The following TRHDE variants were observed in gnomAD, a reference collection of about 807,000 sequenced individuals.
The protein encoded by TRHDE is thyrotropin releasing hormone degrading enzyme.
A neutral mutation model predicts 125.7 loss-of-function variants in TRHDE; 72 were observed. The observed-to-expected ratio is 0.57, with a 90% CI of 0.47 to 0.70. TRHDE has a LOEUF of 0.70. TRHDE is among the 30% of genes least tolerant of loss of function. TRHDE has a pLI of 0.00. For synonymous variants in TRHDE, 509 were observed against 509.1 expected, an observed-to-expected ratio of 1.00 and a Z score of 0.00; for missense variants, 1,110 against 1,327.1, an observed-to-expected ratio of 0.84 and a Z score of 2.54.
intron 12 of TRHDE, among the ~76,000 whole-genome samples, chr12:72,609,165 C>T (rs541065385): frequency 3.9e-5 from 6 of 152,178 alleles, no homozygotes; most frequent in African/African-American, 1.4e-4. Flanking sequence ...AAAACATGTA[C>T]TCAGAGATTT....
At chr12:72,530,724 C>G (rs1447509391) in intron 6 of TRHDE, among the ~76,000 whole-genome samples, 1 of 151,744 alleles carries the variant, frequency 6.6e-6, no homozygotes, top group Non-Finnish European at 1.5e-5. Flanking sequence ...ATTCCTTTCT[C>G]TGCTCCATGT....
At chr12:72,452,796 T>A (rs1242954811) in intron 3 of TRHDE, among the ~76,000 whole-genome samples, 5 of 151,916 alleles carry the variant, frequency 3.3e-5, no homozygotes, top group Non-Finnish European at 7.4e-5. Context: ...CCCCCTTCAC[T>A]CTCTTGCTCC....
chr12:72,355,603 A>G (rs942303733), intron 2 of TRHDE, among the ~76,000 whole-genome samples: 6 of 151,776 alleles, frequency 4.0e-5, no homozygotes, highest in African/African-American at 1.4e-4. Flanking sequence ...GAAACTATCA[A>G]CATAGTAAAC....
intron 3 of TRHDE, among the ~76,000 whole-genome samples, chr12:72,396,699 G>A (rs1164930661): frequency 6.6e-6 from 1 of 152,120 alleles, no homozygotes; most frequent in African/African-American, 2.4e-5. Flanking sequence ...AGCCGAGATT[G>A]CGCTGCTACA....
At chr12:72,119,286 C>T (rs1008827739) in intron 2 of TRHDE, among the ~76,000 whole-genome samples, 2 of 152,080 alleles carry the variant, frequency 1.3e-5, no homozygotes, top group African/African-American at 4.8e-5. Flanking sequence ...TTAATTTCTT[C>T]ATTTACTCAC....
chr12:72,412,243 T>C (rs1319129890), intron 3 of TRHDE, among the ~76,000 whole-genome samples: 2 of 151,770 alleles, frequency 1.3e-5, no homozygotes, highest in Non-Finnish European at 2.9e-5. Flanking sequence ...AAGACAAATA[T>C]CCAGGACTTA....
chr12:72,641,176 T>C (rs923341796), intron 15 of TRHDE, among the ~76,000 whole-genome samples: 2 of 152,206 alleles, frequency 1.3e-5, no homozygotes, highest in African/African-American at 4.8e-5. Flanking sequence ...ATGTCATAAG[T>C]ATCAAAATTT....
intron 2 of TRHDE, among the ~76,000 whole-genome samples, chr12:72,176,735 A>G (rs1876996833): frequency 6.6e-6 from 1 of 152,174 alleles, no homozygotes; most frequent in Non-Finnish European, 1.5e-5. Context: ...GTCACATTTC[A>G]TTTATTTCAG....
At chr12:72,600,269 GT>G (rs960054799) in intron 12 of TRHDE, among the ~76,000 whole-genome samples, 2 of 151,642 alleles carry the variant, frequency 1.3e-5, no homozygotes, top group South Asian at 2.1e-4. Context: ...TTTTAGAATA[GT>G]TTTTTTTCTA....
intron 15 of TRHDE, among the ~76,000 whole-genome samples, chr12:72,631,866 C>T (rs1476785284): frequency 6.6e-6 from 1 of 151,900 alleles, no homozygotes; most frequent in African/African-American, 2.4e-5. Context: ...ATCAATTCTT[C>T]CCAGTCTGAG....
chr12:72,205,649 A>G (rs998006196), intron 2 of TRHDE, among the ~76,000 whole-genome samples: 2 of 152,202 alleles, frequency 1.3e-5, no homozygotes, highest in African/African-American at 4.8e-5. Flanking sequence ...TTAACGTAAT[A>G]TCTTCAAGGT....
chr12:72,538,295 A>G (rs1163289791), intron 6 of TRHDE, among the ~76,000 whole-genome samples: 1 of 151,912 alleles, frequency 6.6e-6, no homozygotes, highest in Non-Finnish European at 1.5e-5. Context: ...ATTTTCCTTG[A>G]AATCTGAAGC....
intron 2 of TRHDE, among the ~76,000 whole-genome samples, chr12:72,117,885 A>G (rs12580489): frequency 0.039 from 5,939 of 151,524 alleles, 214 homozygotes; most frequent in South Asian, 0.11. Context: ...TCACTGCTGG[A>G]ATATAGAAAT....
At chr12:72,458,962 A>C (rs1460030125) in intron 3 of TRHDE, among the ~76,000 whole-genome samples, 1 of 152,194 alleles carries the variant, frequency 6.6e-6, no homozygotes, top group East Asian at 1.9e-4. Flanking sequence ...ATAAATTAGC[A>C]CTTAATTAGT....
intron 5 of TRHDE, among the ~76,000 whole-genome samples, chr12:72,492,875 A>G (rs1877745083): frequency 6.6e-6 from 1 of 151,902 alleles, no homozygotes; most frequent in Admixed American, 6.6e-5. Context: ...AGTCTTAGAC[A>G]CTGAAAGCAT....
chr12:72,440,414 A>G (rs1874948047), intron 3 of TRHDE, among the ~76,000 whole-genome samples: 1 of 151,958 alleles, frequency 6.6e-6, no homozygotes, highest in African/African-American at 2.4e-5. Context: ...CAATTTTATT[A>G]AATTTTCACA....
At chr12:72,509,776 C>T (rs1005107828) in intron 6 of TRHDE, among the ~76,000 whole-genome samples, 5 of 152,246 alleles carry the variant, frequency 3.3e-5, no homozygotes, top group East Asian at 1.9e-4. Flanking sequence ...AATGTATCTC[C>T]AATACCTATT....
chr12:72,293,332 C>G (rs1880161646), intron 2 of TRHDE, among the ~76,000 whole-genome samples: 1 of 151,916 alleles, frequency 6.6e-6, no homozygotes, highest in African/African-American at 2.4e-5. Flanking sequence ...TTTTGCTGTG[C>G]AGAAGTTTTT....
At chr12:72,661,224 G>A (rs191662857) in intron 18 of TRHDE, among the ~76,000 whole-genome samples, 8 of 152,030 alleles carry the variant, frequency 5.3e-5, no homozygotes, top group African/African-American at 9.7e-5. Flanking sequence ...GTCAATAAAC[G>A]TTCATATTCA....
Sources: gnomAD v4.1 joint callset for allele counts (sites outside exome capture counted in the v4.1 genomes callset) on GRCh38, gnomAD v4.1.1 for gene constraint, MANE v1.5 for transcripts, NCBI Gene and HGNC (gene_info 2026-07-23, HGNC 2026-07-21) for gene names.